Variants in DENND1A observed in about 807,000 individuals in gnomAD.
The protein encoded by DENND1A is DENN domain containing 1A, also known as DENN domain-containing protein 1A.
In DENND1A, 51 loss-of-function variants were observed where a neutral mutation model predicts 113.7. The observed-to-expected ratio is 0.45, with a 90% CI of 0.36 to 0.57. The LOEUF (loss-of-function observed/expected upper bound fraction) is 0.57. DENND1A is among the 20% of genes least tolerant of loss of function. The pLI, the probability that DENND1A is intolerant of heterozygous loss-of-function variation, is 0.00. For synonymous variants in DENND1A, 565 were observed against 570.8 expected (o/e 0.99, Z 0.14); for missense variants, 1,258 against 1,395.9 (o/e 0.90, Z 1.57).
In DENND1A at chr9:123,557,331, T is replaced by C. The variant is rs186839891; in HGVS notation, c.993+239A>G. Among the ~76,000 whole-genome samples the C allele has an allele frequency of 9.9e-5, 15 of 152,262 alleles. No individual in the cohort carries two copies. The East Asian group carries it at 1.7e-3, about 18-fold the overall frequency. On this transcript the variant is annotated intron_variant, in intron 13 of 23. Coordinates refer to ENST00000394215, the MANE Select transcript of DENND1A (RefSeq NM_001352964.2). ...TGACACGCGGTTGGGGCTTACTGTCTAGGGTGGTGCACAGGGCATAACAGC... is the reference window on the plus strand; with the variant it reads ...TGACACGCGGTTGGGGCTTACTGTCCAGGGTGGTGCACAGGGCATAACAGC...
At position 123,660,573 on chromosome 9, in the gene DENND1A, A is replaced by T. The variant is rs558243289; in HGVS notation, c.507+6453T>A. Among the ~76,000 whole-genome samples, 934 of 151,092 alleles carry T rather than the reference A, an allele frequency of 6.2e-3. 1 individual carries two copies. The highest frequency in any genetic ancestry group is 9.1e-3 in the Non-Finnish European group (615 of 67,720). On this transcript the variant is annotated intron_variant, in intron 8 of 23. Transcript: ENST00000394215. ...TATTTATTCTTAAAAGAAAAAAAAA[A>T]TTTTTTAATGAACCTAACCTAGGCA...
intron 15 of DENND1A, among the ~76,000 whole-genome samples, chr9:123,455,022 A>G (rs1011619121): frequency 6.6e-6 from 1 of 152,034 alleles, no homozygotes; most frequent in Admixed American, 6.6e-5. Context: ...GGGTTTCACC[A>G]TGTTGGCCAG....
intron 21 of DENND1A, among the ~76,000 whole-genome samples, chr9:123,395,656 G>C (rs957469061): frequency 8.5e-5 from 13 of 152,134 alleles, no homozygotes; most frequent in African/African-American, 3.1e-4. Flanking sequence ...CCCTGGGGCC[G>C]AGGGCCCAGC....
At chr9:123,918,998 A>G (rs942624473) in intron 1 of DENND1A, among the ~76,000 whole-genome samples, 4 of 152,160 alleles carry the variant, frequency 2.6e-5, no homozygotes, top group African/African-American at 9.7e-5. Flanking sequence ...TTAAGGATGC[A>G]ACGGAAATCA....
At chr9:123,395,466 C>CTGTGTGTG (rs1323869628) in intron 21 of DENND1A, among the ~76,000 whole-genome samples, 164 of 71,218 alleles carry the variant, frequency 2.3e-3, no homozygotes, top group African/African-American at 0.014. Flanking sequence ...TACTCTCTCT[C>CTGTGTGTG]TCTGTGTGTG....
intron 8 of DENND1A, among the ~76,000 whole-genome samples, chr9:123,658,254 T>C (rs530813824): frequency 2.0e-5 from 3 of 152,310 alleles, no homozygotes; most frequent in East Asian, 3.9e-4. Context: ...TGAAGGTCTA[T>C]ATGATTATCC....
At chr9:123,480,990 A>C (rs2050290636) in intron 13 of DENND1A, among the ~76,000 whole-genome samples, 1 of 152,278 alleles carries the variant, frequency 6.6e-6, no homozygotes, top group Admixed American at 6.5e-5. Context: ...GTTTAAAAAA[A>C]TTCATAGAAT....
At chr9:123,395,646 C>T (rs2131143572) in intron 21 of DENND1A, among the ~76,000 whole-genome samples, 1 of 152,252 alleles carries the variant, frequency 6.6e-6, no homozygotes, top group South Asian at 2.1e-4. Context: ...TGCCCCTACC[C>T]CCTGGGGCCG....
At chr9:123,828,639 C>CAAAAAAAAAAAAAAAAAAAAAAAAACA (rs59346883) in intron 2 of DENND1A, among the ~76,000 whole-genome samples, 1 of 116,014 alleles carries the variant, frequency 8.6e-6, no homozygotes. Context: ...TAAAAGTAGC[C>CAAAAAAAAAAAAAAAAAAAAAAAAACA]AAAAAAAAAA....
intron 2 of DENND1A, among the ~76,000 whole-genome samples, chr9:123,795,956 A>C (rs1167602866): frequency 6.6e-6 from 1 of 152,200 alleles, no homozygotes; most frequent in Non-Finnish European, 1.5e-5. Context: ...AAAATTAAGA[A>C]TCTAGTGGTA....
chr9:123,835,213 G>A (rs1242178199), intron 2 of DENND1A, among the ~76,000 whole-genome samples: 1 of 151,912 alleles, frequency 6.6e-6, no homozygotes, highest in African/African-American at 2.4e-5. Flanking sequence ...AATAGCAAAC[G>A]TGAAAAAGGA....
chr9:123,645,855 C>G (rs555318084), intron 9 of DENND1A, among the ~76,000 whole-genome samples: 1 of 152,362 alleles, frequency 6.6e-6, no homozygotes, highest in Non-Finnish European at 1.5e-5. Context: ...CTCCTTATTT[C>G]TAAATCACGA....
chr9:123,737,808 A>C (rs1020345612), intron 5 of DENND1A, among the ~76,000 whole-genome samples: 6 of 152,202 alleles, frequency 3.9e-5, no homozygotes, highest in Non-Finnish European at 8.8e-5. Flanking sequence ...TAAAACAAAG[A>C]CACCTGAATT....
At chr9:123,857,890 T>C (rs1205611184) in intron 2 of DENND1A, among the ~76,000 whole-genome samples, 1 of 151,040 alleles carries the variant, frequency 6.6e-6, no homozygotes, top group Non-Finnish European at 1.5e-5. Flanking sequence ...AAACCCCATC[T>C]CTACTAAAAA....
At chr9:123,657,561 T>A (rs1352937412) in intron 8 of DENND1A, among the ~76,000 whole-genome samples, 1 of 152,176 alleles carries the variant, frequency 6.6e-6, no homozygotes, top group Non-Finnish European at 1.5e-5. Flanking sequence ...CAGATGCTAG[T>A]CCGCCCCACT....
intron 5 of DENND1A, among the ~76,000 whole-genome samples, chr9:123,754,647 T>C (rs2070367454): frequency 6.6e-6 from 1 of 152,188 alleles, no homozygotes; most frequent in Non-Finnish European, 1.5e-5. Context: ...TAGCTAATAG[T>C]AGGAATTCAA....
chr9:123,454,846 TTGC>T, intron 15 of DENND1A, 67 bp from the exon 16 acceptor site: 1 of 1,442,590 alleles, frequency 6.9e-7, no homozygotes, highest in Non-Finnish European at 9.4e-7. Context: ...GTCCTTAAAA[TTGC>T]TTTTTTTTTT....
In DENND1A at chr9:123,557,695, T is replaced by A; in HGVS notation, c.868A>T (p.Ile290Phe). Residue 290 changes from isoleucine (I) to phenylalanine (F), a missense_variant and splice_region_variant, in exon 13 of 24, where the codon ATC becomes TTC. By Grantham distance (21) the Ile-to-Phe change is conservative. This residue lies in a region of DENND1A where 1,159 missense variants were observed against 1,231.7 expected (regional missense o/e 0.94). Coordinates refer to ENST00000394215, the MANE Select transcript of DENND1A (RefSeq NM_001352964.2). ...DDLQSLPNDV[I>F]SSLKNRLKKV... ...TTCAGCCTGTTCTTCAGGGAAGAGATCTGGTGATGGAGAGAAGGAAAACAC... is the reference window on the plus strand; with the variant it reads ...TTCAGCCTGTTCTTCAGGGAAGAGAACTGGTGATGGAGAGAAGGAAAACAC... 6.2e-7 allele frequency: 1 copy of A among 1,613,594 alleles called. No individual in the cohort carries two copies. Among genetic ancestry groups the A allele is most frequent in the African/African-American group, 1.3e-5 (1 of 74,980 alleles).
intron 1 of DENND1A, among the ~76,000 whole-genome samples, chr9:123,897,136 A>G (rs1032359151): frequency 2.6e-5 from 4 of 152,238 alleles, no homozygotes; most frequent in Non-Finnish European, 5.9e-5. Context: ...ACAACGAGAA[A>G]ATACCTCTAT....
Sources: gnomAD v4.1 joint callset for allele counts (sites outside exome capture counted in the v4.1 genomes callset) on GRCh38, gnomAD v4.1.1 for gene constraint, gnomAD v4.1.1 regional missense constraint, MANE v1.5 for transcripts, NCBI Gene and HGNC (gene_info 2026-07-23, HGNC 2026-07-21) for gene names.